Variants in ATG2B observed in about 807,000 individuals in gnomAD.
The protein encoded by ATG2B is autophagy-related protein 2 homolog B.
A neutral mutation model predicts 241.3 loss-of-function variants in ATG2B; 121 were observed. That is an observed-to-expected ratio of 0.50 (90% confidence interval 0.43 to 0.58). The LOEUF (loss-of-function observed/expected upper bound fraction) is 0.58. Among genes scored for constraint, ATG2B ranks in the 20% least tolerant of loss-of-function variants. The probability of loss-of-function intolerance (pLI) is 0.00; values close to 1 mark genes in which losing one functional copy is unlikely to be tolerated. For missense variants in ATG2B, 2,306 were observed against 2,491.6 expected, an observed-to-expected ratio of 0.93 and a Z score of 1.59; for synonymous variants, 858 against 876.6, an observed-to-expected ratio of 0.98 and a Z score of 0.37.
chr14:96,302,231 T>C (rs1002598585), intron 33 of ATG2B, 123 bp from the exon 34 acceptor site: 1 of 622,334 alleles, frequency 1.6e-6, no homozygotes, highest in Non-Finnish European at 2.7e-6. Context: ...GAGGAATTGT[T>C]TACCCTCTTT....
chr14:96,335,080 T>C (rs865863470), intron 6 of ATG2B, among the ~76,000 whole-genome samples: 27 of 152,292 alleles, frequency 1.8e-4, no homozygotes, highest in Middle Eastern at 3.4e-3. Flanking sequence ...ACTTCCTTTC[T>C]CTTTTCCAAC....
intron 29 of ATG2B, among the ~76,000 whole-genome samples, chr14:96,308,276 A>ATTTTTTTTTT (rs1566719964): frequency 3.7e-5 from 1 of 27,128 alleles, no homozygotes; most frequent in Non-Finnish European, 6.5e-5. Flanking sequence ...ATATATATAT[A>ATTTTTTTTTT]TATATATTTT....
In ATG2B at chr14:96,332,349, G is replaced by A. The variant is rs1377465513; in HGVS notation, c.1424C>T (p.Thr475Ile). 2.5e-6 allele frequency: 4 copies of A among 1,613,736 alleles called. No homozygotes were observed. Among genetic ancestry groups the A allele is most frequent in the Non-Finnish European group, 2.5e-6 (3 of 1,179,794 alleles). ...TGGGTGAACTAGGTTGGATGGAAAT[G>A]TTGACCCTCTTACTGGCTGTTCTTT... ...HHKEQPVRGSTFPSNLVHPTP... is the reference protein window; with the variant it reads ...HHKEQPVRGSIFPSNLVHPTP... Residue 475 changes from threonine to isoleucine, a missense_variant, in exon 10 of 42, where the codon ACA becomes ATA. This residue lies in a region of ATG2B where 1,927 missense variants were observed against 2,011.2 expected (regional missense o/e 0.96). Coordinates refer to ENST00000359933, the MANE Select transcript of ATG2B (RefSeq NM_018036.7).
Position 96,354,239 on chromosome 14 carries a change from A to AG in ATG2B, c.163-6899dup, listed in dbSNP as rs199851549. On this transcript the variant is annotated intron_variant, in intron 1 of 41. Coordinates refer to ENST00000359933, the MANE Select transcript of ATG2B (RefSeq NM_018036.7). ...TGCTGCACAGATCATCCCATCACTT[A>AG]GTATTAAGCCCAGTATCCATTAGCT... 5.4e-3 allele frequency among the ~76,000 whole-genome samples: 821 copies of AG among 152,310 alleles called. 27 individuals carry two copies. The South Asian group carries it at 0.067, about 12-fold the overall frequency.
chr14:96,311,051 A>C, intron 28 of ATG2B, 66 bp downstream of exon 28: 3 of 1,368,798 alleles, frequency 2.2e-6, no homozygotes, highest in Non-Finnish European at 2.9e-6. Flanking sequence ...ACTGTCATGA[A>C]GACCTCAATA....
At chr14:96,291,851 C>A in intron 37 of ATG2B, 169 bp from the exon 38 acceptor site, 2 of 603,148 alleles carry the variant, frequency 3.3e-6, no homozygotes, top group Non-Finnish European at 2.7e-6. Context: ...CAATTTATAC[C>A]AAATTTTACT....
chr14:96,297,466 C>T (rs1361467580), intron 34 of ATG2B, among the ~76,000 whole-genome samples: 4 of 151,944 alleles, frequency 2.6e-5, no homozygotes, highest in African/African-American at 9.7e-5. Flanking sequence ...GGCACGATCT[C>T]GGCTCACTGC....
chr14:96,328,464 A>G lies in ATG2B; in HGVS notation c.2046T>C (p.Cys682=). The G allele has an allele frequency of 6.2e-7, 1 of 1,613,462 alleles. No homozygotes were observed. Among genetic ancestry groups the G allele is most frequent in the Non-Finnish European group, 8.5e-7 (1 of 1,179,760 alleles). The stretch of plus-strand genomic sequence containing the variant: ...TGTCCACAATACTGATATCCAGCTC[A>G]CAACACACTGGATTTAATTTAATTT... ...ELQIKLNPVC[C]ELDISIVDRL... The change falls in exon 14 of 42, where the codon TGT becomes TGC. Residue 682 remains cysteine, a synonymous_variant. Transcript: ENST00000359933.
At position 96,331,067 on chromosome 14, in the gene ATG2B, T is replaced by C. The variant is rs564868722; in HGVS notation, c.1730+309A>G. 3.9e-5 allele frequency among the ~76,000 whole-genome samples: 6 copies of C among 152,306 alleles called. No individual in the cohort carries two copies. In the South Asian group the frequency reaches 6.2e-4, roughly 16 times the overall value. ...GTTTTCACGACTGCAGTGGTGTCAA[T>C]AGGGATGAAGGCAAAATGTGGTTAA... is the stretch of plus-strand genomic sequence containing the variant. On this transcript the variant is annotated intron_variant, in intron 11 of 41. Coordinates refer to ENST00000359933, the MANE Select transcript of ATG2B (RefSeq NM_018036.7).
intron 33 of ATG2B, 73 bp downstream of exon 33, chr14:96,302,988 C>A: frequency 6.0e-6 from 7 of 1,158,272 alleles, no homozygotes; most frequent in Non-Finnish European, 8.1e-6. Flanking sequence ...CCTACTTTAA[C>A]TCTCCTGAAG....
In ATG2B at chr14:96,343,177, A is replaced by T. The variant is rs1204030489; in HGVS notation, c.686T>A (p.Phe229Tyr). The T allele has an allele frequency of 2.5e-6, 4 of 1,607,686 alleles. No individual in the cohort carries two copies. Among genetic ancestry groups the T allele is most frequent in the Non-Finnish European group, 3.4e-6 (4 of 1,176,130 alleles). The change falls in exon 5 of 42, where the codon TTC (phenylalanine) becomes TAC (tyrosine). Residue 229 changes from phenylalanine (F) to tyrosine (Y), a missense_variant. By Grantham distance (22) the Phe-to-Tyr change is conservative (BLOSUM62 3). Around this residue, in one of 2 missense-constraint regions of ATG2B, gnomAD observed 1,927 missense variants for 2,011.2 expected, o/e 0.96. Transcript: ENST00000359933. ...KLLQLSGVSL[F>Y]WDEFSASAKS... ...GGCTGATGCAGAAAACTCATCCCAG[A>T]AGAGAGACACTCCAGAGAGCTGAAG...
intron 13 of ATG2B, 31 bp from the exon 14 acceptor site, chr14:96,328,566 T>C: frequency 6.4e-7 from 1 of 1,569,790 alleles, no homozygotes; most frequent in Non-Finnish European, 8.6e-7. Context: ...AAGGCATTAA[T>C]ACAATCACTA....
At chr14:96,347,363 A>C (rs1433732360) in intron 1 of ATG2B, 22 bp from the exon 2 acceptor site, 1 of 1,536,996 alleles carries the variant, frequency 6.5e-7, no homozygotes, top group Non-Finnish European at 8.9e-7. Context: ...AAACAGGTTC[A>C]TTATGAATCA....
At chr14:96,335,144 A>G (rs1489620718) in intron 6 of ATG2B, among the ~76,000 whole-genome samples, 1 of 152,170 alleles carries the variant, frequency 6.6e-6, no homozygotes, top group African/African-American at 2.4e-5. Flanking sequence ...TCTCTTGATG[A>G]TTCCTGAATA....
intron 36 of ATG2B, among the ~76,000 whole-genome samples, chr14:96,294,117 C>A (rs1886563859): frequency 6.6e-6 from 1 of 152,140 alleles, no homozygotes; most frequent in South Asian, 2.1e-4. Context: ...CATCACTATG[C>A]AAAATATTTA....
At chr14:96,360,296 A>C (rs1010610055) in intron 1 of ATG2B, among the ~76,000 whole-genome samples, 6 of 152,234 alleles carry the variant, frequency 3.9e-5, no homozygotes, top group Admixed American at 1.3e-4. Context: ...AAACATACTT[A>C]ATCTGTCTTT....
intron 34 of ATG2B, among the ~76,000 whole-genome samples, chr14:96,301,455 A>G (rs1044897243): frequency 1.4e-4 from 22 of 152,330 alleles, no homozygotes; most frequent in African/African-American, 5.3e-4. Flanking sequence ...CTATGTTTTA[A>G]ACAGATCGCT....
In ATG2B at chr14:96,294,987, G is replaced by C. The variant is rs1397116122; in HGVS notation, c.5399C>G (p.Ser1800Cys). ...EEKNFSAEEA[S>C]FRDQPVFFRE... ...AAAAAACACAGGCTGATCCCTAAAA[G>C]ATGCTTCTTCAGCAGAGAAGTTCTT... is the stretch of plus-strand genomic sequence containing the variant. The change falls in exon 36 of 42, where the codon TCT (serine) becomes TGT (cysteine). Residue 1800 changes from serine to cysteine, a missense_variant. This residue lies in a region of ATG2B where 379 missense variants were observed against 480.4 expected (regional missense o/e 0.79). Coordinates refer to ENST00000359933, the MANE Select transcript of ATG2B (RefSeq NM_018036.7). 1 of 1,614,142 alleles carries C rather than the reference G, an allele frequency of 6.2e-7. No individual in the cohort carries two copies. Among genetic ancestry groups the C allele is most frequent in the South Asian group, 1.1e-5 (1 of 91,076 alleles).
In ATG2B at chr14:96,289,521, A is replaced by C; in HGVS notation, c.6006+135T>G. On this transcript the variant is annotated intron_variant, in intron 41 of 41. Coordinates refer to ENST00000359933, the MANE Select transcript of ATG2B (RefSeq NM_018036.7). The surrounding 1 kb of genome is among the most constrained non-coding windows in gnomAD (Gnocchi z 4.3). Reference sequence around the variant, plus strand: ...CATCACCTCACACAGATATGGGCACATGTTATTAGTGGCAGTTGCCATTCT... The same window carrying C: ...CATCACCTCACACAGATATGGGCACCTGTTATTAGTGGCAGTTGCCATTCT... The C allele has an allele frequency of 9.6e-7, 1 of 1,046,764 alleles. No individual in the cohort carries two copies. The highest frequency in any genetic ancestry group is 1.4e-6 in the Non-Finnish European group (1 of 712,368). 64.8% of individuals were successfully genotyped at this position (1,046,764 alleles called of 1,614,324 possible).
Sources: gnomAD v4.1 joint callset for allele counts (sites outside exome capture counted in the v4.1 genomes callset) on GRCh38, gnomAD v4.1.1 for gene constraint, gnomAD v4.1.1 regional missense constraint, Gnocchi (gnomAD v3.1) non-coding constraint, MANE v1.5 for transcripts, NCBI Gene and HGNC (gene_info 2026-07-23, HGNC 2026-07-21) for gene names.